The following APBA2 variants were observed in gnomAD, a reference collection of about 807,000 sequenced individuals.
APBA2 encodes the protein amyloid-beta A4 precursor protein-binding family A member 2.
In APBA2, 30 loss-of-function variants were observed where a neutral mutation model predicts 75.0. The observed-to-expected ratio is 0.40, with a 90% confidence interval of 0.30 to 0.54. APBA2 has a LOEUF of 0.54. APBA2 is among the 20% of genes least tolerant of loss of function. The pLI is 0.49. For synonymous variants in APBA2, 444 were observed against 409.6 expected, an observed-to-expected ratio of 1.08 and a Z score of -1.01; for missense variants, 801 against 1,016.1, an observed-to-expected ratio of 0.79 and a Z score of 2.88.
At chr15:28,904,634 A>G (rs1317208473) in intron 1 of APBA2, among the ~76,000 whole-genome samples, 2 of 152,074 alleles carry the variant, frequency 1.3e-5, no homozygotes, top group Non-Finnish European at 2.9e-5. Flanking sequence ...ATGGTACACC[A>G]TTGAGCAGCA....
chr15:29,017,397 C>CTTTTTTTTTTTTTTTT (rs56993296), intron 3 of APBA2, among the ~76,000 whole-genome samples: 69 of 102,056 alleles, frequency 6.8e-4, no homozygotes, highest in Non-Finnish European at 9.4e-4. Context: ...TTCTTTCTTT[C>CTTTTTTTTTTTTTTTT]TTTTTTTTTT....
At chr15:29,026,778 G>A (rs2040243129) in intron 3 of APBA2, among the ~76,000 whole-genome samples, 1 of 151,658 alleles carries the variant, frequency 6.6e-6, no homozygotes, top group African/African-American at 2.4e-5. Flanking sequence ...AAAATTAGCT[G>A]GGCATGGTGT....
intron 11 of APBA2, 151 bp from the exon 12 acceptor site, chr15:29,106,456 C>A: frequency 1.1e-6 from 1 of 892,198 alleles, no homozygotes. Flanking sequence ...GCTCCCAGCC[C>A]AAGACCTCTC....
chr15:29,077,251 G>A (rs2042890438), intron 6 of APBA2, among the ~76,000 whole-genome samples: 1 of 152,182 alleles, frequency 6.6e-6, no homozygotes, highest in Non-Finnish European at 1.5e-5. Flanking sequence ...ATTCCCGCTT[G>A]TAGTGTTTGA....
chr15:29,056,636 CCTCTCTCTCTCT>C lies in APBA2; in HGVS notation c.951+1818_951+1829del, dbSNP rs147310000. 1.1e-4 allele frequency among the ~76,000 whole-genome samples: 11 copies of C among 96,256 alleles called. 1 individual carries two copies. Among genetic ancestry groups the C allele is most frequent in the African/African-American group, 2.5e-4 (5 of 19,694 alleles). The allele number at this position is 96,256 out of a possible 152,430, so 63.1% of individuals were successfully genotyped here. A position where few individuals can be genotyped will look rare whatever the true frequency, so the allele number is the denominator to read the frequency against. ...TCCTTCTCTCCCTCCCTCCCTCCCT[CCTCTCTCTCTCT>C]CTCTCTCTCTCTCTCTTTCTTTCTT... On this transcript the variant is annotated intron_variant, in intron 4 of 14. Transcript: ENST00000683413.
intron 3 of APBA2, among the ~76,000 whole-genome samples, chr15:29,048,522 A>G (rs1056175414): frequency 6.6e-6 from 1 of 152,188 alleles, no homozygotes; most frequent in Non-Finnish European, 1.5e-5. Context: ...AACTTGCCTT[A>G]TGTCGTATTA....
intron 2 of APBA2, among the ~76,000 whole-genome samples, chr15:28,957,761 A>G (rs1202121973): frequency 6.6e-6 from 1 of 152,130 alleles, no homozygotes; most frequent in Non-Finnish European, 1.5e-5. Context: ...GGTGCTGTGC[A>G]TCAGGTTCGG....
intron 1 of APBA2, among the ~76,000 whole-genome samples, chr15:28,907,629 C>T (rs1268088265): frequency 6.6e-6 from 1 of 152,170 alleles, no homozygotes; most frequent in Non-Finnish European, 1.5e-5. Flanking sequence ...TTTGTTTTTG[C>T]AGACATCAAT....
chr15:29,108,559 T>C (rs2044561840), intron 13 of APBA2, 170 bp downstream of exon 13: 2 of 1,021,388 alleles, frequency 2.0e-6, no homozygotes, highest in African/African-American at 1.6e-5. Flanking sequence ...CATGGCTCTC[T>C]GGGAGGTCCT....
intron 3 of APBA2, among the ~76,000 whole-genome samples, chr15:29,036,522 C>T (rs1181377769): frequency 1.3e-5 from 2 of 152,084 alleles, no homozygotes; most frequent in Non-Finnish European, 2.9e-5. Context: ...GTGAAGCTGC[C>T]TCCACCCCAG....
In APBA2 at chr15:29,060,326, G is replaced by A. The variant is rs185775883; in HGVS notation, c.951+5491G>A. 2.6e-5 allele frequency among the ~76,000 whole-genome samples: 4 copies of A among 152,304 alleles called. No homozygotes were observed. In the East Asian group the frequency reaches 5.8e-4, roughly 22 times the overall value. ...AGGGAGCTAGGGTTAGTCCCGTGTT[G>A]CAGATGGCACAGTTAAGTAGCTCAC... On this transcript the variant is annotated intron_variant, in intron 4 of 14. Coordinates refer to ENST00000683413, the MANE Select transcript of APBA2 (RefSeq NM_001353788.2).
At chr15:28,942,238 T>C (rs890581827) in intron 2 of APBA2, among the ~76,000 whole-genome samples, 6 of 152,214 alleles carry the variant, frequency 3.9e-5, no homozygotes, top group Admixed American at 3.9e-4. Context: ...GCTGTCTCCC[T>C]CCACTGTGGG....
chr15:29,092,918 C>T (rs796803977), intron 6 of APBA2, among the ~76,000 whole-genome samples, 157 bp from the exon 7 acceptor site: 19 of 152,296 alleles, frequency 1.2e-4, no homozygotes, highest in Admixed American at 3.3e-4. Flanking sequence ...GGAAGCAGAC[C>T]GGCCGCCCGT....
chr15:28,898,041 G>A (rs866058305), intron 1 of APBA2, among the ~76,000 whole-genome samples: 27 of 152,082 alleles, frequency 1.8e-4, no homozygotes, highest in African/African-American at 6.5e-4. Context: ...GGAGTGATGC[G>A]GCCACAGCTC....
intron 4 of APBA2, among the ~76,000 whole-genome samples, chr15:29,072,158 G>T (rs897039507): frequency 2.0e-5 from 3 of 152,130 alleles, no homozygotes; most frequent in African/African-American, 7.2e-5. Flanking sequence ...CTTGCAGGAG[G>T]GATGTTGTTA....
chr15:28,925,087 G>T (rs1270279975), intron 2 of APBA2, among the ~76,000 whole-genome samples: 1 of 152,018 alleles, frequency 6.6e-6, no homozygotes, highest in Non-Finnish European at 1.5e-5. Context: ...AATCAGAAAT[G>T]GTTGTTGGAT....
chr15:29,034,261 G>A (rs1566929564), intron 3 of APBA2, among the ~76,000 whole-genome samples: 1 of 152,172 alleles, frequency 6.6e-6, no homozygotes, highest in African/African-American at 2.4e-5. Flanking sequence ...CAGGCTGGTA[G>A]CCCGTGTCTC....
rs564522668 is a variant in APBA2 at position 28,918,679 on chromosome 15, G to A, written c.-204-2961G>A. On this transcript the variant is annotated intron_variant, in intron 1 of 14. Transcript: ENST00000683413. The surrounding 1 kb of genome is among the most constrained non-coding windows in gnomAD (Gnocchi z 4.2). The stretch of plus-strand genomic sequence containing the variant: ...TGCAGCGGGGCCTATGCAGGATCCC[G>A]GTTGGAGGGGGCTGCAGAGGCTACT... Among the ~76,000 whole-genome samples the A allele has an allele frequency of 6.6e-6, 1 of 152,114 alleles. No individual in the cohort carries two copies. The highest frequency in any genetic ancestry group is 1.5e-5 in the Non-Finnish European group (1 of 68,014).
In APBA2 at chr15:28,918,212, G is replaced by A. The variant is rs1280284255; in HGVS notation, c.-204-3428G>A. On this transcript the variant is annotated intron_variant, in intron 1 of 14. Transcript: ENST00000683413. The surrounding 1 kb of genome is among the most constrained non-coding windows in gnomAD (Gnocchi z 4.2). ...TGGGTGAGGGAAAAGGCACAGGGAG[G>A]TGCAGAAGCGTTCCTGGCGCCACGG... Among the ~76,000 whole-genome samples, 1 of 152,224 alleles carries A rather than the reference G, an allele frequency of 6.6e-6. No homozygotes were observed. The highest frequency in any genetic ancestry group is 6.5e-5 in the Admixed American group (1 of 15,288).
Sources: gnomAD v4.1 joint callset for allele counts (sites outside exome capture counted in the v4.1 genomes callset) on GRCh38, gnomAD v4.1.1 for gene constraint, Gnocchi (gnomAD v3.1) non-coding constraint, MANE v1.5 for transcripts, NCBI Gene and HGNC (gene_info 2026-07-23, HGNC 2026-07-21) for gene names.